The following PCDH15 variants were observed in gnomAD, a reference collection of about 807,000 sequenced individuals.
The protein encoded by PCDH15 is protocadherin related 15.
In PCDH15, 129 loss-of-function variants were observed where a neutral mutation model predicts 178.5. The ratio of observed to expected loss-of-function variants is 0.72; its 90% confidence interval spans 0.63 to 0.84. PCDH15 has a LOEUF of 0.84. Ranked by LOEUF, PCDH15 falls within the 40% of genes least tolerant of loss-of-function variation. PCDH15 has a pLI of 0.00. For missense variants in PCDH15, 2,230 were observed against 2,099.9 expected, an observed-to-expected ratio of 1.06 and a Z score of -1.21; for synonymous variants, 800 against 732.0, an observed-to-expected ratio of 1.09 and a Z score of -1.50.
At chr10:55,490,468 A>C (rs1840387467) in intron 2 of PCDH15, among the ~76,000 whole-genome samples, 1 of 151,914 alleles carries the variant, frequency 6.6e-6, no homozygotes, top group East Asian at 2.0e-4. Context: ...TTTTCTCACA[A>C]AGTGCTGCAA....
At chr10:54,214,149 T>G (rs2051745206) in intron 9 of PCDH15, 101 bp from the exon 10 acceptor site, 1 of 701,854 alleles carries the variant, frequency 1.4e-6, no homozygotes, top group African/African-American at 1.8e-5. Flanking sequence ...AAAGCTACAA[T>G]TTCATTAGTA....
chr10:54,413,533 G>C (rs1186740050), intron 3 of PCDH15, among the ~76,000 whole-genome samples: 1 of 152,014 alleles, frequency 6.6e-6, no homozygotes, highest in Non-Finnish European at 1.5e-5. Context: ...GTATAAATAT[G>C]ATAAAAAGTA....
At chr10:55,378,877 A>ATCTCTCTCTC (rs67020951) in intron 2 of PCDH15, among the ~76,000 whole-genome samples, 7,202 of 123,910 alleles carry the variant, frequency 0.058, 207 homozygotes, top group African/African-American at 0.076. Flanking sequence ...AACTCTCCCC[A>ATCTCTCTCTC]TCTCTCTCTC....
chr10:55,380,091 G>A (rs967732470), intron 2 of PCDH15, among the ~76,000 whole-genome samples: 3 of 152,024 alleles, frequency 2.0e-5, no homozygotes, highest in African/African-American at 7.2e-5. Context: ...TGTGATCAGA[G>A]CCAGAACTCA....
intron 9 of PCDH15, among the ~76,000 whole-genome samples, chr10:54,219,218 T>C (rs1591246629): frequency 7.3e-6 from 1 of 136,140 alleles, no homozygotes; most frequent in Admixed American, 8.0e-5. Context: ...GAGCTTGCAG[T>C]GAGCTGAGAT....
chr10:54,380,476 A>G (rs1021567688), intron 3 of PCDH15, among the ~76,000 whole-genome samples: 1 of 151,068 alleles, frequency 6.6e-6, no homozygotes, highest in African/African-American at 2.4e-5. Context: ...CCATGAAAAG[A>G]TATTTGATCT....
At chr10:54,278,458 A>G (rs1300190477) in intron 8 of PCDH15, among the ~76,000 whole-genome samples, 2 of 151,634 alleles carry the variant, frequency 1.3e-5, no homozygotes, top group Non-Finnish European at 3.0e-5. Flanking sequence ...GAATATTTAA[A>G]GAACTTCCTC....
At chr10:55,433,599 C>T (rs1418578292) in intron 2 of PCDH15, among the ~76,000 whole-genome samples, 4 of 152,056 alleles carry the variant, frequency 2.6e-5, no homozygotes, top group African/African-American at 9.7e-5. Context: ...AAATAAATAA[C>T]TAAAAGAGAC....
At chr10:53,842,547 T>C (rs2077726475) in intron 28 of PCDH15, among the ~76,000 whole-genome samples, 1 of 152,182 alleles carries the variant, frequency 6.6e-6, no homozygotes, top group Non-Finnish European at 1.5e-5. Flanking sequence ...CATCTGGCCA[T>C]GTTTCCTTAA....
chr10:54,151,863 G>C (rs1260958668), intron 14 of PCDH15, among the ~76,000 whole-genome samples: 1 of 152,118 alleles, frequency 6.6e-6, no homozygotes, highest in African/African-American at 2.4e-5. Flanking sequence ...GAACATTTTG[G>C]AGGGAAAACA....
chr10:54,122,581 C>CA (rs71007809), intron 15 of PCDH15, among the ~76,000 whole-genome samples: 31,166 of 139,418 alleles, frequency 0.22, 4,776 homozygotes, highest in East Asian at 0.86. Context: ...ATCCAAATAG[C>CA]AAAAAAAAAA....
chr10:53,979,122 G>T (rs1056919997), intron 21 of PCDH15, among the ~76,000 whole-genome samples: 7 of 151,990 alleles, frequency 4.6e-5, no homozygotes, highest in Non-Finnish European at 1.0e-4. Flanking sequence ...GTATTAATCC[G>T]TTCTCACACT....
At chr10:53,854,536 A>G (rs1347142077) in intron 28 of PCDH15, among the ~76,000 whole-genome samples, 3 of 152,006 alleles carry the variant, frequency 2.0e-5, no homozygotes, top group African/African-American at 7.2e-5. Flanking sequence ...CATGAAGAAT[A>G]AAAGTGGCTC....
chr10:54,590,919 G>A (rs116383759), intron 2 of PCDH15, among the ~76,000 whole-genome samples: 1,955 of 151,978 alleles, frequency 0.013, 41 homozygotes, highest in African/African-American at 0.045. Flanking sequence ...TTGGGAAGGG[G>A]TCTAAAAACC....
At position 53,822,423 on chromosome 10, in the gene PCDH15, GGAGGAGCAA is replaced by G. The variant is rs557936064; in HGVS notation, c.4368-2202_4368-2194del. 3,091 of 1,585,476 alleles carry G rather than the reference GGAGGAGCAA, an allele frequency of 1.9e-3. 2 individuals carry two copies. The highest frequency in any genetic ancestry group is 2.4e-3 in the Non-Finnish European group (2,758 of 1,165,860). On this transcript the variant is annotated intron_variant, in intron 32 of 37. Coordinates refer to ENST00000644397, the MANE Select transcript of PCDH15 (RefSeq NM_001384140.1). ...AAGAGAAAAAGGAGAAATGTCAGGA[GGAGGAGCAA>G]GAGGAGCAGGAGCAGGAGGAGGAGA...
At chr10:53,928,379 C>A (rs1273447120) in intron 25 of PCDH15, among the ~76,000 whole-genome samples, 3 of 151,646 alleles carry the variant, frequency 2.0e-5, no homozygotes, top group South Asian at 4.2e-4. Flanking sequence ...TAAATAAAAA[C>A]CAATCTAATA....
chr10:55,184,695 G>A (rs537888032), intron 1 of PCDH15, among the ~76,000 whole-genome samples: 1 of 151,950 alleles, frequency 6.6e-6, no homozygotes, highest in African/African-American at 2.4e-5. Flanking sequence ...GCTGTAGAGG[G>A]TATATTTTCA....
At chr10:55,387,811 T>C (rs1837698698) in intron 2 of PCDH15, among the ~76,000 whole-genome samples, 1 of 152,070 alleles carries the variant, frequency 6.6e-6, no homozygotes, top group African/African-American at 2.4e-5. Flanking sequence ...AACAAATTAC[T>C]GGAACATATA....
intron 1 of PCDH15, among the ~76,000 whole-genome samples, chr10:54,754,794 ACAATTGATTATAAACATGC>A (rs894921236): frequency 2.0e-5 from 3 of 152,136 alleles, no homozygotes; most frequent in African/African-American, 7.2e-5. Flanking sequence ...TGCTCACAAA[ACAATTGATTATAAACATGC>A]CAGAAAAAAT....
Sources: gnomAD v4.1 joint callset for allele counts (sites outside exome capture counted in the v4.1 genomes callset) on GRCh38, gnomAD v4.1.1 for gene constraint, MANE v1.5 for transcripts, NCBI Gene and HGNC (gene_info 2026-07-23, HGNC 2026-07-21) for gene names.